Variants in ABCG5 observed in about 807,000 individuals in gnomAD.
The protein encoded by ABCG5 is ATP binding cassette subfamily G member 5.
A neutral mutation model predicts 64.5 loss-of-function variants in ABCG5; 64 were observed. The ratio of observed to expected loss-of-function variants is 0.99; its 90% CI spans 0.81 to 1.22. The LOEUF (loss-of-function observed/expected upper bound fraction) is 1.22, where lower values mean the gene tolerates loss of function less well. ABCG5 is among the 50% of genes most tolerant of loss of function. The pLI, the probability that ABCG5 is intolerant of heterozygous loss-of-function variation, is 0.00. For synonymous variants in ABCG5, 385 were observed against 326.3 expected, an observed-to-expected ratio of 1.18 and a Z score of -1.94; for missense variants, 908 against 829.5, an observed-to-expected ratio of 1.09 and a Z score of -1.16.
At chr2:43,811,749 C>G (rs910242899), downstream of ABCG5, among the ~76,000 whole-genome samples, 6 of 152,180 alleles carry the variant, frequency 3.9e-5, no homozygotes, top group African/African-American at 1.4e-4. Context: ...CGCCTGCCAC[C>G]ATGCCCAGCT....
In ABCG5 at chr2:43,838,012, C is replaced by T. The variant is rs1668392553; in HGVS notation, c.144-57G>A. 1 of 1,609,644 alleles carries T rather than the reference C, an allele frequency of 6.2e-7. No homozygotes were observed. The highest frequency in any genetic ancestry group is 1.7e-5 in the Admixed American group (1 of 59,794). ...GCTTGGGGCCCTGGAAGGGGCCACA[C>T]CCAGGTCCCCAGCATTGATCCTACC... On this transcript the variant is annotated intron_variant, in intron 1 of 12. Coordinates refer to ENST00000405322, the MANE Select transcript of ABCG5 (RefSeq NM_022436.3). This position sits in a 1 kb window ranked among gnomAD's most constrained non-coding sequence, Gnocchi z 4.2.
chr2:43,827,793 T>C (rs938477778), intron 5 of ABCG5, among the ~76,000 whole-genome samples, 190 bp downstream of exon 5: 1 of 152,142 alleles, frequency 6.6e-6, no homozygotes, highest in African/African-American at 2.4e-5. Context: ...GTTTGGATGA[T>C]GGAATCGCAT....
chr2:43,811,524 C>T, downstream of ABCG5, among the ~76,000 whole-genome samples: 1 of 152,118 alleles, frequency 6.6e-6, no homozygotes, highest in Non-Finnish European at 1.5e-5. Context: ...AACACTGAGA[C>T]AGTTTCATTT....
At chr2:43,827,683 TG>T (rs1667703203) in intron 5 of ABCG5, among the ~76,000 whole-genome samples, 1 of 152,118 alleles carries the variant, frequency 6.6e-6, no homozygotes, top group African/African-American at 2.4e-5. Context: ...ATTGCCCTGG[TG>T]AGAAGAAATG....
chr2:43,828,280 T>A (rs1022768149), intron 4 of ABCG5, 165 bp from the exon 5 acceptor site: 1 of 916,582 alleles, frequency 1.1e-6, no homozygotes, highest in Admixed American at 2.1e-5. Context: ...AATAATATGA[T>A]CCAATTCGGC....
chr2:43,811,083 T>C (rs1299086291), downstream of ABCG5, among the ~76,000 whole-genome samples: 2 of 152,170 alleles, frequency 1.3e-5, no homozygotes, highest in African/African-American at 4.8e-5. Context: ...TGCATATGAA[T>C]AGTAGAAAAT....
chr2:43,829,778 C>T (rs1667851833), intron 4 of ABCG5, among the ~76,000 whole-genome samples: 1 of 152,094 alleles, frequency 6.6e-6, no homozygotes, highest in African/African-American at 2.4e-5. Flanking sequence ...AAAACCATTG[C>T]ATTAAAAAAC....
chr2:43,812,319 C>A, downstream of ABCG5, among the ~76,000 whole-genome samples: 1 of 115,284 alleles, frequency 8.7e-6, no homozygotes, highest in Non-Finnish European at 1.9e-5. Context: ...ACTTGTAATT[C>A]TTTTTTTTTT....
At chr2:43,823,787 A>C in intron 9 of ABCG5, 126 bp downstream of exon 9, 1 of 1,105,214 alleles carries the variant, frequency 9.0e-7, no homozygotes, top group South Asian at 1.6e-5. Flanking sequence ...CCAGAGAGGG[A>C]ACCTGGAGAG....
At position 43,813,129 on chromosome 2, in the gene ABCG5, A is replaced by C. The variant is rs140511481; in HGVS notation, c.1943T>G (p.Leu648Arg). 3.1e-6 allele frequency: 4 copies of C among 1,270,476 alleles called. No homozygotes were observed. The highest frequency in any genetic ancestry group is 2.3e-6 in the Non-Finnish European group (2 of 866,970). The allele number at this position is 1,270,476 out of a possible 1,614,324, so 78.7% of individuals were successfully genotyped here. A position where few individuals can be genotyped will look rare whatever the true frequency, so the allele number is the denominator to read the frequency against. Reference sequence around the variant, plus strand: ...CCATGGCTTTCACTACCTGCTAATGAGATGATCCCTTATTTTGAAAACAAC... The same window carrying C: ...CCATGGCTTTCACTACCTGCTAATGCGATGATCCCTTATTTTGAAAACAAC... ...GIVVFKIRDH[L>R]ISR The change falls in exon 13 of 13, where the codon CTC becomes CGC. Residue 648 changes from leucine to arginine, a missense_variant. Physicochemically the swap from Leu to Arg is moderately radical, Grantham distance 102 (BLOSUM62 -2). Transcript: ENST00000405322.
downstream of ABCG5, among the ~76,000 whole-genome samples, chr2:43,811,849 C>T (rs186909346): frequency 6.4e-3 from 972 of 152,290 alleles, 12 homozygotes; most frequent in African/African-American, 0.022. Flanking sequence ...CCGCCTCGGC[C>T]TCCCAAAGTG....
At chr2:43,835,871 T>C (rs1668229715) in intron 2 of ABCG5, among the ~76,000 whole-genome samples, 1 of 152,164 alleles carries the variant, frequency 6.6e-6, no homozygotes, top group African/African-American at 2.4e-5. Context: ...TTTCTGCTTT[T>C]TATAAGCCAC....
intron 3 of ABCG5, 27 bp downstream of exon 3, chr2:43,831,920 G>T (rs571438215): frequency 4.7e-5 from 73 of 1,547,900 alleles, no homozygotes; most frequent in South Asian, 3.7e-4. Flanking sequence ...CGGGCGGGGG[G>T]GCCAGGGGTG....
chr2:43,824,801 T>C, intron 7 of ABCG5, 88 bp downstream of exon 7: 1 of 1,569,230 alleles, frequency 6.4e-7, no homozygotes. Context: ...AAAAATCAAA[T>C]CCACTAGACT....
At chr2:43,809,831 A>C, downstream of ABCG5, 1 of 1,538,542 alleles carries the variant, frequency 6.5e-7, no homozygotes, top group Non-Finnish European at 8.7e-7. Context: ...TATACTGTGA[A>C]TTAACTATTG....
intron 10 of ABCG5, among the ~76,000 whole-genome samples, chr2:43,820,830 A>G (rs959818598): frequency 2.7e-4 from 41 of 151,834 alleles, no homozygotes; most frequent in African/African-American, 9.9e-4. Flanking sequence ...ATTTTTTTGT[A>G]TTTAGTAGAG....
intron 9 of ABCG5, 55 bp from the exon 10 acceptor site, chr2:43,822,990 G>A (rs1667337154): frequency 6.2e-7 from 1 of 1,604,256 alleles, no homozygotes; most frequent in Admixed American, 1.7e-5. Context: ...CTGAAAAAGG[G>A]AGGGCTAGCC....
At chr2:43,831,652 A>T (rs1667951825) in intron 4 of ABCG5, 117 bp downstream of exon 4, 1 of 1,051,770 alleles carries the variant, frequency 9.5e-7, no homozygotes, top group Non-Finnish European at 1.4e-6. Flanking sequence ...GGCGCGCTCT[A>T]GAGTGAAGGA....
intron 8 of ABCG5, 31 bp downstream of exon 8, chr2:43,824,188 C>G: frequency 1.2e-6 from 2 of 1,613,998 alleles, no homozygotes; most frequent in Non-Finnish European, 1.7e-6. Flanking sequence ...AGACCTCTAA[C>G]AGGCATTTCT....
Sources: allele counts gnomAD v4.1 joint callset (sites outside exome capture counted in the v4.1 genomes callset), GRCh38; gene constraint gnomAD v4.1.1; non-coding constraint Gnocchi (gnomAD v3.1); transcripts MANE v1.5; gene names NCBI Gene and HGNC (gene_info 2026-07-23, HGNC 2026-07-21).